Variants in LRP1B observed in about 807,000 individuals in gnomAD.
LRP1B encodes the protein LDL receptor related protein 1B.
In LRP1B, 217 loss-of-function variants were observed where a neutral mutation model predicts 556.6. That is an observed-to-expected ratio of 0.39 (90% CI 0.35 to 0.44). The LOEUF (loss-of-function observed/expected upper bound fraction) is 0.44. LRP1B is among the 20% of genes least tolerant of loss of function. The probability of loss-of-function intolerance (pLI) is 1.00; values close to 1 mark genes in which losing one functional copy is unlikely to be tolerated. For synonymous variants in LRP1B, 2,047 were observed against 1,865.8 expected, an observed-to-expected ratio of 1.10 and a Z score of -2.50; for missense variants, 5,053 against 5,620.8, an observed-to-expected ratio of 0.90 and a Z score of 3.23.
intron 1 of LRP1B, among the ~76,000 whole-genome samples, chr2:142,044,034 CAT>C (rs1173826074): frequency 1.3e-5 from 2 of 151,680 alleles, no homozygotes; most frequent in South Asian, 2.1e-4. Flanking sequence ...TCTTCAATAA[CAT>C]ATATCTTCAA....
chr2:142,020,011 G>A (rs1703281605), intron 1 of LRP1B, among the ~76,000 whole-genome samples: 1 of 152,052 alleles, frequency 6.6e-6, no homozygotes, highest in African/African-American at 2.4e-5. Flanking sequence ...AAAATATAAT[G>A]CCATTTATTT....
At chr2:140,795,897 C>A (rs534798356) in intron 32 of LRP1B, among the ~76,000 whole-genome samples, 1 of 152,044 alleles carries the variant, frequency 6.6e-6, no homozygotes, top group Non-Finnish European at 1.5e-5. Flanking sequence ...TTCTTATATT[C>A]TTACTCTAAT....
intron 7 of LRP1B, among the ~76,000 whole-genome samples, chr2:141,122,618 G>C (rs62173719): frequency 0.3 from 45,604 of 151,934 alleles, 7,080 homozygotes; most frequent in East Asian, 0.48. Flanking sequence ...TGGGGAGGAT[G>C]TGGAGAAATA....
At chr2:141,125,162 A>G (rs549668283) in intron 7 of LRP1B, among the ~76,000 whole-genome samples, 3 of 152,362 alleles carry the variant, frequency 2.0e-5, no homozygotes, top group Non-Finnish European at 4.4e-5. Flanking sequence ...CAAGACAAGT[A>G]TCTTCTTTGG....
chr2:140,685,687 C>A (rs1296771233), intron 41 of LRP1B, among the ~76,000 whole-genome samples: 1 of 152,142 alleles, frequency 6.6e-6, no homozygotes, highest in Non-Finnish European at 1.5e-5. Context: ...AGCTTTCAGA[C>A]AAGTCCCCTA....
chr2:141,523,001 A>C (rs1684578631), intron 2 of LRP1B, among the ~76,000 whole-genome samples: 1 of 152,086 alleles, frequency 6.6e-6, no homozygotes, highest in Non-Finnish European at 1.5e-5. Flanking sequence ...GTCCTGGAGA[A>C]CAATTCCTGT....
At chr2:140,560,310 C>T (rs1048724646) in intron 43 of LRP1B, among the ~76,000 whole-genome samples, 2 of 152,004 alleles carry the variant, frequency 1.3e-5, no homozygotes, top group Non-Finnish European at 1.5e-5. Context: ...GGATTTGACC[C>T]TGGTTTAGAA....
chr2:141,848,795 G>A (rs1323772823), intron 1 of LRP1B, among the ~76,000 whole-genome samples: 1 of 151,414 alleles, frequency 6.6e-6, no homozygotes, highest in Non-Finnish European at 1.5e-5. Context: ...TAAAAAACAA[G>A]AGGAAATAAC....
intron 6 of LRP1B, among the ~76,000 whole-genome samples, chr2:141,212,799 T>C (rs562126886): frequency 2.0e-4 from 31 of 152,158 alleles, no homozygotes; most frequent in Non-Finnish European, 3.8e-4. Context: ...GAAGTCATCA[T>C]TTAATGTAAT....
At chr2:140,291,047 A>C (rs1179400645) in intron 84 of LRP1B, among the ~76,000 whole-genome samples, 1 of 151,950 alleles carries the variant, frequency 6.6e-6, no homozygotes, top group African/African-American at 2.4e-5. Context: ...ACATATTCAC[A>C]TATTAGATAA....
At chr2:140,922,290 ACACACACG>A (rs1282196319) in intron 21 of LRP1B, among the ~76,000 whole-genome samples, 6 of 150,402 alleles carry the variant, frequency 4.0e-5, no homozygotes, top group South Asian at 2.1e-4. Flanking sequence ...ATACACACAC[ACACACACG>A]CACACACGCA....
intron 43 of LRP1B, among the ~76,000 whole-genome samples, chr2:140,584,346 T>A (rs1056029957): frequency 1.3e-4 from 19 of 151,694 alleles, no homozygotes; most frequent in African/African-American, 4.6e-4. Context: ...CTTCTCCCTC[T>A]GTTCAGTTTG....
chr2:140,669,420 T>C (rs1685402357), intron 41 of LRP1B, among the ~76,000 whole-genome samples: 1 of 152,158 alleles, frequency 6.6e-6, no homozygotes, highest in South Asian at 2.1e-4. Flanking sequence ...AGGAAGATTT[T>C]GTAAAAGCTC....
At chr2:140,311,451 A>G (rs1208783256) in intron 83 of LRP1B, among the ~76,000 whole-genome samples, 1 of 151,504 alleles carries the variant, frequency 6.6e-6, no homozygotes, top group African/African-American at 2.4e-5. Context: ...ACCTGTTCTT[A>G]CTTATAAATA....
At chr2:141,496,316 C>T (rs534630823) in intron 2 of LRP1B, among the ~76,000 whole-genome samples, 1 of 151,948 alleles carries the variant, frequency 6.6e-6, no homozygotes, top group Non-Finnish European at 1.5e-5. Context: ...TCTGAATCAC[C>T]TAGAGGTCTT....
At chr2:141,443,112 G>C (rs1441612983) in intron 3 of LRP1B, among the ~76,000 whole-genome samples, 1 of 152,058 alleles carries the variant, frequency 6.6e-6, no homozygotes, top group Non-Finnish European at 1.5e-5. Context: ...ACATTTTAAT[G>C]ATCACCATTC....
chr2:140,512,394 T>C (rs1163623440), intron 51 of LRP1B, among the ~76,000 whole-genome samples: 1 of 152,156 alleles, frequency 6.6e-6, no homozygotes. Flanking sequence ...GCCACTGCCA[T>C]CTGGAGATAT....
chr2:141,681,750 G>A (rs536514080), intron 2 of LRP1B, among the ~76,000 whole-genome samples: 5 of 152,240 alleles, frequency 3.3e-5, no homozygotes, highest in South Asian at 2.1e-4. Context: ...ACTATCTATC[G>A]TGGGCAAGTC....
intron 20 of LRP1B, among the ~76,000 whole-genome samples, chr2:140,926,059 T>C (rs74911999): frequency 0.052 from 4,596 of 88,560 alleles, 69 homozygotes; most frequent in Non-Finnish European, 0.06. Context: ...AGATTTTCTT[T>C]TTTTTTTTTT....
Sources: allele counts gnomAD v4.1 joint callset (sites outside exome capture counted in the v4.1 genomes callset), GRCh38; gene constraint gnomAD v4.1.1; transcripts MANE v1.5; gene names NCBI Gene and HGNC (gene_info 2026-07-23, HGNC 2026-07-21).